The following NDST4 variants were observed in gnomAD, a reference collection of about 807,000 sequenced individuals.
The protein encoded by NDST4 is N-deacetylase and N-sulfotransferase 4, also known as N-heparan sulfate sulfotransferase 4.
NDST4 carries 63 observed loss-of-function variants against 100.8 expected under a neutral mutation model. The observed-to-expected ratio is 0.62, with a 90% confidence interval of 0.51 to 0.77. The LOEUF (loss-of-function observed/expected upper bound fraction) is 0.77, where lower values mean the gene tolerates loss of function less well. NDST4 is among the 30% of genes least tolerant of loss of function. The pLI, the probability that NDST4 is intolerant of heterozygous loss-of-function variation, is 0.00. For synonymous variants in NDST4, 377 were observed against 361.8 expected (o/e 1.04, Z -0.48); for missense variants, 943 against 1,018.4 (o/e 0.93, Z 1.01).
chr4:115,059,476 C>T lies in NDST4; in HGVS notation c.978+16583G>A, dbSNP rs1057142752. Among the ~76,000 whole-genome samples the T allele has an allele frequency of 6.6e-5, 10 of 152,072 alleles. No individual in the cohort carries two copies. The South Asian group carries it at 1.5e-3, about 22-fold the overall frequency. ...GAGAATTACAAAGAAATACATTTGGCCTTCTGCAGGCTTGAGAGCTGAGAA... is the reference window on the plus strand; with the variant it reads ...GAGAATTACAAAGAAATACATTTGGTCTTCTGCAGGCTTGAGAGCTGAGAA... On this transcript the variant is annotated intron_variant, in intron 2 of 13. Coordinates refer to ENST00000264363, the MANE Select transcript of NDST4 (RefSeq NM_022569.3).
At chr4:115,022,967 A>G (rs1727892078) in intron 2 of NDST4, among the ~76,000 whole-genome samples, 1 of 152,160 alleles carries the variant, frequency 6.6e-6, no homozygotes, top group Admixed American at 6.5e-5. Context: ...GTATGTTTTT[A>G]TCAGCAGCAT....
chr4:115,025,747 C>T (rs1191654222), intron 2 of NDST4, among the ~76,000 whole-genome samples: 4 of 151,988 alleles, frequency 2.6e-5, no homozygotes, highest in Non-Finnish European at 5.9e-5. Flanking sequence ...TAAAGTGATG[C>T]CTGAATTTAA....
At chr4:115,059,108 T>G (rs183786947) in intron 2 of NDST4, among the ~76,000 whole-genome samples, 1 of 152,076 alleles carries the variant, frequency 6.6e-6, no homozygotes, top group African/African-American at 2.4e-5. Flanking sequence ...AGTGGGATGA[T>G]GAGTAACTCC....
chr4:115,111,220 T>C (rs1354916529), intron 1 of NDST4, among the ~76,000 whole-genome samples: 2 of 151,994 alleles, frequency 1.3e-5, no homozygotes, highest in Non-Finnish European at 2.9e-5. Flanking sequence ...GAAACATTTA[T>C]TTAGTACGTT....
At position 114,870,813 on chromosome 4, in the gene NDST4, G is replaced by T; in HGVS notation, c.1674C>A (p.His558Gln). 6.2e-7 allele frequency: 1 copy of T among 1,612,998 alleles called. No individual in the cohort carries two copies. Among genetic ancestry groups the T allele is most frequent in the South Asian group, 1.1e-5 (1 of 91,030 alleles). Residue 558 changes from histidine (H) to glutamine (Q), a missense_variant, in exon 7 of 14, where the codon CAC becomes CAA. Transcript: ENST00000264363. ...LQTLPPVQLA[H>Q]QYFELFPEQK... Reference sequence around the variant, plus strand: ...GCTCAGGGAAGAGCTCAAAATACTGGTGGGCCAGTTGCACTGGAGGCAGAG... The same window carrying T: ...GCTCAGGGAAGAGCTCAAAATACTGTTGGGCCAGTTGCACTGGAGGCAGAG...
intron 4 of NDST4, among the ~76,000 whole-genome samples, chr4:114,948,287 A>G (rs1200667767): frequency 1.6e-5 from 2 of 121,434 alleles, no homozygotes; most frequent in Admixed American, 1.9e-4. Context: ...CCCACCCCCC[A>G]AATACAACGT....
chr4:114,870,275 G>A (rs532761138), intron 7 of NDST4, among the ~76,000 whole-genome samples: 2 of 152,248 alleles, frequency 1.3e-5, no homozygotes, highest in South Asian at 4.1e-4. Context: ...TTAAAGAAAA[G>A]TGAAGATATG....
chr4:115,112,366 T>C (rs1036611629), intron 1 of NDST4, among the ~76,000 whole-genome samples: 3 of 151,884 alleles, frequency 2.0e-5, no homozygotes, highest in Non-Finnish European at 2.9e-5. Context: ...AAAACTAAAA[T>C]CATTCTGAGA....
chr4:114,936,134 T>C (rs1202370761), intron 5 of NDST4, among the ~76,000 whole-genome samples: 1 of 152,144 alleles, frequency 6.6e-6, no homozygotes, highest in Non-Finnish European at 1.5e-5. Flanking sequence ...ATTAATGCCA[T>C]ACAAGATCCA....
chr4:115,078,704 G>A (rs1729240746), intron 1 of NDST4, among the ~76,000 whole-genome samples: 1 of 152,016 alleles, frequency 6.6e-6, no homozygotes, highest in African/African-American at 2.4e-5. Context: ...TAGCAGGCAT[G>A]GTGGTGGGTG....
chr4:114,896,004 A>G (rs966330340), intron 6 of NDST4, among the ~76,000 whole-genome samples: 3 of 148,168 alleles, frequency 2.0e-5, no homozygotes, highest in African/African-American at 7.8e-5. Flanking sequence ...AGAATAAAGT[A>G]TCTTGTATTT....
chr4:114,884,970 T>A (rs1724448567), intron 6 of NDST4, among the ~76,000 whole-genome samples: 1 of 152,164 alleles, frequency 6.6e-6, no homozygotes. Context: ...ATACATAAGA[T>A]GATCTGAGAA....
At chr4:115,048,333 T>C (rs566842260) in intron 2 of NDST4, among the ~76,000 whole-genome samples, 4 of 152,238 alleles carry the variant, frequency 2.6e-5, no homozygotes, top group East Asian at 1.9e-4. Flanking sequence ...AAACAAATCA[T>C]TGAAAGAAAA....
At chr4:114,833,354 C>T (rs1188677666) in intron 12 of NDST4, among the ~76,000 whole-genome samples, 1 of 152,014 alleles carries the variant, frequency 6.6e-6, no homozygotes, top group Non-Finnish European at 1.5e-5. Context: ...TTTACTTAAT[C>T]AAACTGATAA....
intron 1 of NDST4, among the ~76,000 whole-genome samples, chr4:115,080,109 A>G (rs1354118333): frequency 6.6e-6 from 1 of 152,022 alleles, no homozygotes; most frequent in Non-Finnish European, 1.5e-5. Context: ...GGAATTACTA[A>G]TACTCTATTT....
chr4:114,847,448 A>C lies in NDST4; in HGVS notation c.1940+767T>G, dbSNP rs1307092079. ...TTCATTGCAAACAGGTTCATGCATGATGATGACACACAAACTTACATGCTG... is the reference window on the plus strand; with the variant it reads ...TTCATTGCAAACAGGTTCATGCATGCTGATGACACACAAACTTACATGCTG... On this transcript the variant is annotated intron_variant, in intron 9 of 13. Coordinates refer to ENST00000264363, the MANE Select transcript of NDST4 (RefSeq NM_022569.3). Among the ~76,000 whole-genome samples the C allele has an allele frequency of 6.4e-5, 9 of 141,350 alleles. No homozygotes were observed. The East Asian group carries it at 1.9e-3, about 31-fold the overall frequency. The allele number at this position is 141,350 out of a possible 152,430, so 92.7% of individuals were successfully genotyped here.
intron 2 of NDST4, among the ~76,000 whole-genome samples, chr4:115,067,134 A>G (rs1252990342): frequency 6.6e-6 from 1 of 152,146 alleles, no homozygotes; most frequent in Non-Finnish European, 1.5e-5. Flanking sequence ...TGGGTCACCC[A>G]CCTAGAAACT....
At chr4:114,993,397 A>T (rs1727082883) in intron 2 of NDST4, among the ~76,000 whole-genome samples, 1 of 151,868 alleles carries the variant, frequency 6.6e-6, no homozygotes, top group Non-Finnish European at 1.5e-5. Context: ...CCTTAAAATT[A>T]TTGTTTCTGT....
chr4:115,109,418 T>C (rs1176744366), intron 1 of NDST4, among the ~76,000 whole-genome samples: 1 of 151,982 alleles, frequency 6.6e-6, no homozygotes, highest in African/African-American at 2.4e-5. Flanking sequence ...ATGAAGCATG[T>C]GGCCGCACAT....
Sources: gnomAD v4.1 joint callset for allele counts (sites outside exome capture counted in the v4.1 genomes callset) on GRCh38, gnomAD v4.1.1 for gene constraint, MANE v1.5 for transcripts, NCBI Gene and HGNC (gene_info 2026-07-23, HGNC 2026-07-21) for gene names.